MITF: variants seen among roughly 807,000 people sequenced by gnomAD.
MITF encodes the protein melanocyte inducing transcription factor.
In MITF, 17 loss-of-function variants were observed where a neutral mutation model predicts 60.5. The observed-to-expected ratio is 0.28, with a 90% confidence interval of 0.19 to 0.42. MITF has a LOEUF of 0.42. MITF is among the 10% of genes least tolerant of loss of function. The probability of loss-of-function intolerance (pLI) is 1.00; values close to 1 mark genes in which losing one functional copy is unlikely to be tolerated. For missense variants in MITF, 622 were observed against 683.5 expected, an observed-to-expected ratio of 0.91 and a Z score of 1.00; for synonymous variants, 260 against 248.5, an observed-to-expected ratio of 1.05 and a Z score of -0.43.
chr3:69,902,501 G>C (rs1041644391), intron 2 of MITF, among the ~76,000 whole-genome samples: 3 of 152,104 alleles, frequency 2.0e-5, no homozygotes, highest in Admixed American at 2.0e-4. Context: ...TCTTATGTTT[G>C]AGTGACCTAG....
At chr3:69,808,978 TC>T (rs1467510537) in intron 1 of MITF, among the ~76,000 whole-genome samples, 1 of 151,992 alleles carries the variant, frequency 6.6e-6, no homozygotes, top group Non-Finnish European at 1.5e-5. Flanking sequence ...TTTGCATTAA[TC>T]CAAGTGGGAG....
intron 1 of MITF, among the ~76,000 whole-genome samples, chr3:69,830,339 G>A (rs140745320): frequency 1.3e-5 from 2 of 152,238 alleles, no homozygotes; most frequent in Non-Finnish European, 2.9e-5. Flanking sequence ...GAGCTCACCT[G>A]GGTGTGTACT....
chr3:69,921,639 A>G (rs963535152), intron 2 of MITF, among the ~76,000 whole-genome samples: 1 of 152,174 alleles, frequency 6.6e-6, no homozygotes, highest in East Asian at 1.9e-4. Flanking sequence ...TCTCCTTTGC[A>G]TGTCAAGACA....
chr3:69,786,254 T>G (rs62250976), intron 1 of MITF, among the ~76,000 whole-genome samples: 32,599 of 152,030 alleles, frequency 0.21, 3,744 homozygotes, highest in East Asian at 0.48. Context: ...TTACCTGATG[T>G]TTTTCTCATT....
At chr3:69,878,780 T>C in intron 1 of MITF, among the ~76,000 whole-genome samples, 1 of 152,052 alleles carries the variant, frequency 6.6e-6, no homozygotes, top group East Asian at 1.9e-4. Flanking sequence ...TTTTTAAATG[T>C]GGAAATTTGG....
At chr3:69,893,272 G>A (rs2064798702) in intron 2 of MITF, among the ~76,000 whole-genome samples, 1 of 152,086 alleles carries the variant, frequency 6.6e-6, no homozygotes, top group African/African-American at 2.4e-5. Flanking sequence ...TTTCTTTTCT[G>A]TTAGGGTTTG....
At chr3:69,745,915 A>G (rs1031888745) in intron 1 of MITF, among the ~76,000 whole-genome samples, 1 of 152,222 alleles carries the variant, frequency 6.6e-6, no homozygotes, top group African/African-American at 2.4e-5. Context: ...AGCACCTAGC[A>G]CTGTTAGTAA....
In MITF at chr3:69,848,176, A is replaced by G. The variant is rs369408364; in HGVS notation, c.105-30958A>G. On this transcript the variant is annotated intron_variant, in intron 1 of 9. Coordinates refer to ENST00000352241, the MANE Select transcript of MITF (RefSeq NM_001354604.2). The stretch of plus-strand genomic sequence containing the variant: ...GTTCAGAGAGAATTGTTGGAATCCT[A>G]TGCTTTCCTTTCATTTGTGTGCTTT... Among the ~76,000 whole-genome samples, 33 of 152,340 alleles carry G rather than the reference A, an allele frequency of 2.2e-4. 1 individual carries two copies. In the East Asian group the frequency reaches 2.5e-3, roughly 12 times the overall value.
At chr3:69,897,939 A>G (rs1287197751) in intron 2 of MITF, among the ~76,000 whole-genome samples, 3 of 152,248 alleles carry the variant, frequency 2.0e-5, no homozygotes, top group Non-Finnish European at 4.4e-5. Flanking sequence ...ATGGGAGTTG[A>G]TATACAAAAC....
In MITF at chr3:69,956,477, C is replaced by T; in HGVS notation, c.978C>T (p.Asn326=). The T allele has an allele frequency of 6.2e-7, 1 of 1,613,622 alleles. No homozygotes were observed. Among genetic ancestry groups the T allele is most frequent in the Non-Finnish European group, 8.5e-7 (1 of 1,179,648 alleles). ...AAGTTGAACGAAGAAGAAGATTTAACATAAATGACCGCATTAAAGAACTAG... is the reference window on the plus strand; with the variant it reads ...AAGTTGAACGAAGAAGAAGATTTAATATAAATGACCGCATTAAAGAACTAG... ...HNLIERRRRF[N]INDRIKELGT... Residue 326 remains asparagine, a synonymous_variant, in exon 8 of 10, where the codon AAC becomes AAT. Transcript: ENST00000352241.
At chr3:69,814,529 G>T (rs1173587377) in intron 1 of MITF, among the ~76,000 whole-genome samples, 1 of 151,912 alleles carries the variant, frequency 6.6e-6, no homozygotes, top group African/African-American at 2.4e-5. Context: ...GAGTCTCCCT[G>T]TGTTGCCCAG....
chr3:69,740,013 G>T (rs1284126318), intron 1 of MITF, among the ~76,000 whole-genome samples: 1 of 152,126 alleles, frequency 6.6e-6, no homozygotes, highest in Admixed American at 6.5e-5. Flanking sequence ...GAGCGACCTG[G>T]CGCGATGTGG....
At chr3:69,844,335 A>G (rs1440660143) in intron 1 of MITF, among the ~76,000 whole-genome samples, 1 of 152,194 alleles carries the variant, frequency 6.6e-6, no homozygotes, top group Non-Finnish European at 1.5e-5. Context: ...CAACCATCTG[A>G]TCTTTGACAA....
At chr3:69,921,300 T>C (rs2065462699) in intron 2 of MITF, among the ~76,000 whole-genome samples, 1 of 152,192 alleles carries the variant, frequency 6.6e-6, no homozygotes, top group South Asian at 2.1e-4. Flanking sequence ...GTTCCTTTAT[T>C]TACTATTTTA....
intron 1 of MITF, 66 bp downstream of exon 1, chr3:69,739,767 G>T: frequency 1.6e-6 from 2 of 1,225,752 alleles, no homozygotes; most frequent in Non-Finnish European, 2.4e-6. Flanking sequence ...GCCACTCTGG[G>T]GCGAGGAGAG....
rs766200365 is a variant in MITF at position 69,941,244 on chromosome 3, T to A, written c.675T>A (p.Asp225Glu). 1 of 1,607,052 alleles carries A rather than the reference T, an allele frequency of 6.2e-7. No individual in the cohort carries two copies. Among genetic ancestry groups the A allele is most frequent in the African/African-American group, 1.3e-5 (1 of 74,766 alleles). ...HSRASCMQMD[D>E]VIDDIISLES... ...TACCCTTTTTCCTACAGATGGATGA[T>A]GTAATCGATGACATCATTAGCCTAG... Residue 225 changes from aspartate to glutamate, a missense_variant, in exon 5 of 10, where the codon GAT (aspartate) becomes GAA (glutamate). This residue lies in a region of MITF where 215 missense variants were observed against 224.8 expected (regional missense o/e 0.96). Coordinates refer to ENST00000352241, the MANE Select transcript of MITF (RefSeq NM_001354604.2).
chr3:69,827,489 A>G (rs1307127099), intron 1 of MITF, among the ~76,000 whole-genome samples: 5 of 152,194 alleles, frequency 3.3e-5, no homozygotes, highest in African/African-American at 1.2e-4. Context: ...GAGGAACCAC[A>G]GAGTGGCTCT....
intron 1 of MITF, among the ~76,000 whole-genome samples, chr3:69,812,162 G>A (rs1273693804): frequency 6.6e-6 from 1 of 152,164 alleles, no homozygotes; most frequent in Admixed American, 6.5e-5. Flanking sequence ...AGAGTGTGAT[G>A]TTGTGGAAAG....
At chr3:69,763,462 A>G in intron 1 of MITF, 653 of 764,560 alleles carry the variant, frequency 8.5e-4, no homozygotes, top group Non-Finnish European at 1.0e-3. Context: ...TTCCTGGCTG[A>G]ATTCCCTGTC....
Sources: gnomAD v4.1 joint callset for allele counts (sites outside exome capture counted in the v4.1 genomes callset) on GRCh38, gnomAD v4.1.1 for gene constraint, gnomAD v4.1.1 regional missense constraint, MANE v1.5 for transcripts, NCBI Gene and HGNC (gene_info 2026-07-23, HGNC 2026-07-21) for gene names.